UNC5C: variants seen among roughly 807,000 people sequenced by gnomAD.
UNC5C encodes the protein netrin receptor UNC5C.
UNC5C carries 47 observed loss-of-function variants against 99.8 expected under a neutral mutation model. The observed-to-expected ratio is 0.47, with a 90% CI of 0.37 to 0.60. UNC5C has a LOEUF of 0.60. Ranked by LOEUF, UNC5C falls within the 20% of genes least tolerant of loss-of-function variation. UNC5C has a pLI of 0.00. For synonymous variants in UNC5C, 487 were observed against 452.2 expected, an observed-to-expected ratio of 1.08 and a Z score of -0.98; for missense variants, 1,062 against 1,165.9, an observed-to-expected ratio of 0.91 and a Z score of 1.30.
chr4:95,293,859 C>T (rs1741576852), intron 3 of UNC5C, among the ~76,000 whole-genome samples: 1 of 152,140 alleles, frequency 6.6e-6, no homozygotes, highest in South Asian at 2.1e-4. Context: ...ACATAGAGTC[C>T]TTGCAAAGAC....
chr4:95,426,616 A>G (rs1460437351), intron 1 of UNC5C, among the ~76,000 whole-genome samples: 2 of 152,236 alleles, frequency 1.3e-5, no homozygotes. Context: ...CATGAAGCCA[A>G]TTAAAAGTGC....
At chr4:95,179,964 T>TTGA (rs969057650) in intron 14 of UNC5C, among the ~76,000 whole-genome samples, 3 of 151,822 alleles carry the variant, frequency 2.0e-5, no homozygotes, top group South Asian at 4.2e-4. Context: ...TTTATTTTGA[T>TTGA]TGATGATAGA....
At chr4:95,228,942 C>T (rs1480746012) in intron 7 of UNC5C, among the ~76,000 whole-genome samples, 1 of 152,148 alleles carries the variant, frequency 6.6e-6, no homozygotes, top group Non-Finnish European at 1.5e-5. Context: ...CATTTCCACT[C>T]TAATGTGACT....
At chr4:95,538,693 T>C (rs1578216277) in intron 1 of UNC5C, among the ~76,000 whole-genome samples, 2 of 152,244 alleles carry the variant, frequency 1.3e-5, no homozygotes, top group Non-Finnish European at 2.9e-5. Flanking sequence ...AAATCCTAGT[T>C]CAAAAATGCC....
chr4:95,492,147 C>T (rs375580333), intron 1 of UNC5C, among the ~76,000 whole-genome samples: 3 of 151,134 alleles, frequency 2.0e-5, no homozygotes, highest in African/African-American at 7.3e-5. Context: ...ATTTCCTATG[C>T]TATTTAAATA....
Position 95,548,832 on chromosome 4 carries a change from G to A in UNC5C, c.26C>T (p.Ala9Val), listed in dbSNP as rs372991064. 3.1e-6 allele frequency: 5 copies of A among 1,613,152 alleles called. No individual in the cohort carries two copies. In the East Asian group the frequency reaches 1.1e-4, roughly 36 times the overall value. ...TCCCAGTCCCAGTCCGCAGCGGGCC[G>A]CTGTCGCCCGCAGACCTTTCCTCAT... Reference protein sequence around the residue: MRKGLRATAARCGLGLGYL... With the variant: MRKGLRATVARCGLGLGYL... Residue 9 changes from alanine (A) to valine (V), a missense_variant, in exon 1 of 16, where the codon GCG becomes GTG. Physicochemically the swap from Ala to Val is moderately conservative, Grantham distance 64. Around this residue, in one of 3 missense-constraint regions of UNC5C, gnomAD observed 249 missense variants for 295.1 expected, o/e 0.84. Transcript: ENST00000453304.
At chr4:95,175,996 T>C (rs1736325694) in intron 14 of UNC5C, among the ~76,000 whole-genome samples, 2 of 151,902 alleles carry the variant, frequency 1.3e-5, no homozygotes, top group South Asian at 4.1e-4. Flanking sequence ...ATTCACTTCA[T>C]CTTCCATCGC....
intron 3 of UNC5C, among the ~76,000 whole-genome samples, chr4:95,299,937 C>G (rs1322463805): frequency 6.6e-6 from 1 of 152,106 alleles, no homozygotes; most frequent in Admixed American, 6.5e-5. Flanking sequence ...GAATAGAGAA[C>G]AGACTTGAGC....
At chr4:95,445,503 A>G (rs555301124) in intron 1 of UNC5C, among the ~76,000 whole-genome samples, 1 of 152,276 alleles carries the variant, frequency 6.6e-6, no homozygotes, top group East Asian at 1.9e-4. Context: ...CTGTGATAGA[A>G]TCAGTAACAT....
intron 1 of UNC5C, among the ~76,000 whole-genome samples, chr4:95,409,970 C>T (rs1237337786): frequency 6.6e-6 from 1 of 152,182 alleles, no homozygotes; most frequent in East Asian, 1.9e-4. Flanking sequence ...AATGTTTCCA[C>T]ACCCAATCTC....
chr4:95,534,420 G>C (rs913452075), intron 1 of UNC5C, among the ~76,000 whole-genome samples: 1 of 152,076 alleles, frequency 6.6e-6, no homozygotes, highest in Non-Finnish European at 1.5e-5. Flanking sequence ...ATTTTACAAT[G>C]ACACATTTTA....
chr4:95,413,184 T>C (rs1344232584), intron 1 of UNC5C, among the ~76,000 whole-genome samples: 2 of 152,184 alleles, frequency 1.3e-5, no homozygotes. Context: ...CCTTGATTTG[T>C]TGGAGTTATA....
chr4:95,324,664 G>A (rs1427891949), intron 2 of UNC5C, among the ~76,000 whole-genome samples: 3 of 152,070 alleles, frequency 2.0e-5, no homozygotes, highest in Non-Finnish European at 4.4e-5. Flanking sequence ...TTAGGAGGTG[G>A]GGCCTCTGGA....
At chr4:95,266,734 A>G (rs957356525) in intron 4 of UNC5C, among the ~76,000 whole-genome samples, 3 of 152,184 alleles carry the variant, frequency 2.0e-5, no homozygotes, top group African/African-American at 7.2e-5. Flanking sequence ...AGCAACCCTC[A>G]CATTTCAAAA....
chr4:95,541,412 A>G (rs1270917793), intron 1 of UNC5C, among the ~76,000 whole-genome samples: 4 of 152,128 alleles, frequency 2.6e-5, no homozygotes, highest in African/African-American at 9.7e-5. Context: ...CTGTAGTTTC[A>G]GGCATCCATT....
At chr4:95,223,874 T>G (rs1224005862) in intron 7 of UNC5C, among the ~76,000 whole-genome samples, 1 of 152,100 alleles carries the variant, frequency 6.6e-6, no homozygotes, top group Non-Finnish European at 1.5e-5. Context: ...CTGGAAGTGA[T>G]GATGTTAAGT....
intron 14 of UNC5C, among the ~76,000 whole-genome samples, chr4:95,177,110 G>GTGCGCGCACCCACTGACC (rs1296418615): frequency 8.5e-5 from 13 of 152,294 alleles, no homozygotes; most frequent in African/African-American, 2.9e-4. Context: ...CTCACGCACG[G>GTGCGCGCACCCACTGACC]TGCGCGCACC....
Position 95,224,614 on chromosome 4 carries a change from T to TCATTCATC in UNC5C, c.1109-4439_1109-4438insGATGAATG, listed in dbSNP as rs1738606171. On this transcript the variant is annotated intron_variant, in intron 7 of 15. Coordinates refer to ENST00000453304, the MANE Select transcript of UNC5C (RefSeq NM_003728.4). ...AGGCACAGAATTGGAATTCATTCAT[T>TCATTCATC]CATTCATTCATTCATTCATCATCCG... is the stretch of plus-strand genomic sequence containing the variant. 2.0e-5 allele frequency among the ~76,000 whole-genome samples: 3 copies of TCATTCATC among 152,196 alleles called. No homozygotes were observed. The South Asian group carries it at 6.2e-4, about 32-fold the overall frequency.
Position 95,461,244 on chromosome 4 carries a change from C to A in UNC5C, c.124+87490G>T, listed in dbSNP as rs979279150. Among the ~76,000 whole-genome samples, 29 of 152,294 alleles carry A rather than the reference C, an allele frequency of 1.9e-4. 1 individual carries two copies. The South Asian group carries it at 5.0e-3, about 26-fold the overall frequency. ...AAGGCATGCAATGTATAATAATTCA[C>A]TTAATGTTTGATTGATTCTTCCCAT... On this transcript the variant is annotated intron_variant, in intron 1 of 15. Transcript: ENST00000453304.
Sources: gnomAD v4.1 joint callset for allele counts (sites outside exome capture counted in the v4.1 genomes callset) on GRCh38, gnomAD v4.1.1 for gene constraint, gnomAD v4.1.1 regional missense constraint, MANE v1.5 for transcripts, NCBI Gene and HGNC (gene_info 2026-07-23, HGNC 2026-07-21) for gene names.